Variants in BLM observed in about 807,000 individuals in gnomAD.
BLM encodes BLM RecQ like helicase, also known as recQ-like DNA helicase BLM.
A neutral mutation model predicts 135.3 loss-of-function variants in BLM; 95 were observed. That is an observed-to-expected ratio of 0.70 (90% CI 0.59 to 0.83). The LOEUF (loss-of-function observed/expected upper bound fraction) is 0.83, where lower values mean the gene tolerates loss of function less well. BLM is among the 40% of genes least tolerant of loss of function. The pLI is 0.00. For missense variants in BLM, 1,518 were observed against 1,663.9 expected (o/e 0.91, Z 1.53); for synonymous variants, 520 against 589.2 (o/e 0.88, Z 1.70).
intron 1 of BLM, among the ~76,000 whole-genome samples, chr15:90,723,812 A>T (rs1165470628): frequency 6.6e-6 from 1 of 152,030 alleles, no homozygotes; most frequent in Non-Finnish European, 1.5e-5. Context: ...CCATTTCCTG[A>T]AAGCCCCTAC....
intron 1 of BLM, among the ~76,000 whole-genome samples, chr15:90,741,289 C>T (rs1197923132): frequency 6.6e-6 from 1 of 152,122 alleles, no homozygotes; most frequent in Non-Finnish European, 1.5e-5. Flanking sequence ...TATCATTCCA[C>T]TGTCTTTTGA....
intron 21 of BLM, among the ~76,000 whole-genome samples, chr15:90,813,680 G>A (rs998939690): frequency 1.3e-5 from 2 of 152,194 alleles, no homozygotes; most frequent in African/African-American, 4.8e-5. Flanking sequence ...GAGCCACTGT[G>A]CCCAGCCAAG....
chr15:90,791,776 C>T (rs1313825413), intron 15 of BLM, among the ~76,000 whole-genome samples: 1 of 151,918 alleles, frequency 6.6e-6, no homozygotes, highest in Non-Finnish European at 1.5e-5. Flanking sequence ...GTAGCTGGGA[C>T]TACAGGCATG....
At chr15:90,776,930 C>T (rs1896492462) in intron 12 of BLM, among the ~76,000 whole-genome samples, 1 of 152,106 alleles carries the variant, frequency 6.6e-6, no homozygotes. Flanking sequence ...CACCATATAA[C>T]CTAATTGGTA....
intron 1 of BLM, among the ~76,000 whole-genome samples, chr15:90,738,345 G>T (rs561896895): frequency 6.6e-6 from 1 of 152,104 alleles, no homozygotes; most frequent in African/African-American, 2.4e-5. Context: ...CTGCCGGGAC[G>T]GGAGAATTTC....
At chr15:90,791,811 G>A (rs1896912368) in intron 15 of BLM, among the ~76,000 whole-genome samples, 1 of 151,940 alleles carries the variant, frequency 6.6e-6, no homozygotes, top group South Asian at 2.1e-4. Flanking sequence ...ACTAATTTTT[G>A]TATTTTTAGT....
chr15:90,798,451 TC>T, intron 17 of BLM, 114 bp downstream of exon 17: 1 of 1,124,560 alleles, frequency 8.9e-7, no homozygotes, highest in Non-Finnish European at 1.3e-6. Context: ...AACTTGAGTT[TC>T]TGAATAAAAC....
chr15:90,814,337 G>A (rs920057061), intron 21 of BLM, among the ~76,000 whole-genome samples: 1 of 152,144 alleles, frequency 6.6e-6, no homozygotes, highest in Non-Finnish European at 1.5e-5. Context: ...CCGGCCCCAT[G>A]GTTTTGTTTG....
chr15:90,773,758 T>C (rs1263710911), intron 12 of BLM, among the ~76,000 whole-genome samples: 2 of 152,220 alleles, frequency 1.3e-5, no homozygotes, highest in Non-Finnish European at 2.9e-5. Context: ...CTGACTTCTT[T>C]CACTGAGCAT....
chr15:90,805,560 C>T (rs1435544949), intron 19 of BLM, among the ~76,000 whole-genome samples: 1 of 151,540 alleles, frequency 6.6e-6, no homozygotes, highest in African/African-American at 2.4e-5. Context: ...GAGGCCAAGG[C>T]AGGTGGATCA....
intron 12 of BLM, among the ~76,000 whole-genome samples, chr15:90,780,643 A>G (rs905649529): frequency 1.3e-5 from 2 of 152,230 alleles, no homozygotes; most frequent in African/African-American, 4.8e-5. Flanking sequence ...ATTTGAAAGA[A>G]AAATAGTTTC....
At chr15:90,807,468 C>T (rs1480321962) in intron 19 of BLM, among the ~76,000 whole-genome samples, 1 of 152,132 alleles carries the variant, frequency 6.6e-6, no homozygotes, top group Non-Finnish European at 1.5e-5. Context: ...TGGTTGAACA[C>T]AGCTCACTGC....
At chr15:90,803,161 T>G (rs1897202154) in intron 17 of BLM, among the ~76,000 whole-genome samples, 1 of 130,066 alleles carries the variant, frequency 7.7e-6, no homozygotes, top group African/African-American at 3.0e-5. Context: ...AGACCCTGTC[T>G]CTAAAAAAAA....
chr15:90,780,335 GGCC>G (rs757444275), intron 12 of BLM, among the ~76,000 whole-genome samples: 1 of 152,150 alleles, frequency 6.6e-6, no homozygotes, highest in Non-Finnish European at 1.5e-5. Flanking sequence ...TGCCCGCCTT[GGCC>G]TCCCAAAGTG....
intron 1 of BLM, among the ~76,000 whole-genome samples, chr15:90,730,030 A>G (rs571934158): frequency 1.3e-5 from 2 of 151,686 alleles, no homozygotes; most frequent in African/African-American, 2.4e-5. Flanking sequence ...CTTATTTTTT[A>G]TTTTTAGTAG....
At chr15:90,775,434 A>G (rs185383359) in intron 12 of BLM, among the ~76,000 whole-genome samples, 1 of 150,038 alleles carries the variant, frequency 6.7e-6, no homozygotes, top group Non-Finnish European at 1.5e-5. Context: ...TCCTGCATAT[A>G]TACATATATG....
At chr15:90,747,601 A>T in intron 2 of BLM, 111 bp downstream of exon 2, 2 of 763,918 alleles carry the variant, frequency 2.6e-6, no homozygotes, top group Non-Finnish European at 4.5e-6. Flanking sequence ...AATGAAGCTG[A>T]GAGATTCATT....
intron 16 of BLM, among the ~76,000 whole-genome samples, chr15:90,794,995 A>G (rs775430624): frequency 2.0e-5 from 3 of 152,108 alleles, no homozygotes; most frequent in Non-Finnish European, 4.4e-5. Context: ...TATTTTACCT[A>G]TCTTGGTAAT....
chr15:90,794,548 A>AG (rs1232953746), intron 16 of BLM, among the ~76,000 whole-genome samples, 191 bp downstream of exon 16: 7 of 151,926 alleles, frequency 4.6e-5, no homozygotes. Context: ...CTTTATAATT[A>AG]GAACCCTGTT....
Sources: allele counts gnomAD v4.1 joint callset (sites outside exome capture counted in the v4.1 genomes callset), GRCh38; gene constraint gnomAD v4.1.1; transcripts MANE v1.5; gene names NCBI Gene and HGNC (gene_info 2026-07-23, HGNC 2026-07-21).